The following DYNC1H1 variants were observed in gnomAD, a reference collection of about 807,000 sequenced individuals.
DYNC1H1 encodes the protein cytoplasmic dynein 1 heavy chain 1.
A neutral mutation model predicts 527.1 loss-of-function variants in DYNC1H1; 51 were observed. The ratio of observed to expected loss-of-function variants is 0.10; its 90% confidence interval spans 0.08 to 0.12. The LOEUF (loss-of-function observed/expected upper bound fraction) is 0.12, where lower values mean the gene tolerates loss of function less well. Ranked by LOEUF, DYNC1H1 falls within the 10% of genes least tolerant of loss-of-function variation. The pLI, the probability that DYNC1H1 is intolerant of heterozygous loss-of-function variation, is 1.00. For missense variants in DYNC1H1, 2,771 were observed against 5,971.8 expected, an observed-to-expected ratio of 0.46 and a Z score of 17.66; for synonymous variants, 2,189 against 2,278.8, an observed-to-expected ratio of 0.96 and a Z score of 1.12.
Position 102,011,229 on chromosome 14 carries a change from A to T in DYNC1H1, c.6618+277A>T, listed in dbSNP as rs2048255168. ...TATTGGAAAGTTGTTTATACTGATA[A>T]AAATTCTGCTTACCAGACTTTCCAG... is the stretch of plus-strand genomic sequence containing the variant. On this transcript the variant is annotated intron_variant, in intron 32 of 77. Transcript: ENST00000360184. The surrounding 1 kb of genome is among the most constrained non-coding windows in gnomAD (Gnocchi z 5.3). The T allele has an allele frequency of 2.1e-6, 1 of 472,102 alleles. No homozygotes were observed. Among genetic ancestry groups the T allele is most frequent in the Non-Finnish European group, 3.9e-6 (1 of 257,138 alleles). 29.2% of individuals were successfully genotyped at this position (472,102 alleles called of 1,614,324 possible). A position where few individuals can be genotyped will look rare whatever the true frequency, so the allele number is the denominator to read the frequency against.
At position 102,029,417 on chromosome 14, in the gene DYNC1H1, C is replaced by A. The variant is rs2048485356; in HGVS notation, c.9469-122C>A. On this transcript the variant is annotated intron_variant, in intron 48 of 77. Coordinates refer to ENST00000360184, the MANE Select transcript of DYNC1H1 (RefSeq NM_001376.5). The surrounding 1 kb of genome is among the most constrained non-coding windows in gnomAD (Gnocchi z 5.3). ...TAAGCTGAGGCCCGACTCGAGTGTT[C>A]TGGCCCCGAGGGCCAGGCTCCTTCT... The A allele has an allele frequency of 9.0e-6, 12 of 1,340,342 alleles. No homozygotes were observed. Among genetic ancestry groups the A allele is most frequent in the Non-Finnish European group, 1.3e-5 (12 of 957,360 alleles). 83.0% of individuals were successfully genotyped at this position (1,340,342 alleles called of 1,614,324 possible).
At chr14:102,034,689 C>T in intron 56 of DYNC1H1, 1 of 665,966 alleles carries the variant, frequency 1.5e-6, no homozygotes, top group South Asian at 1.8e-5. Flanking sequence ...TGGCAGGGGC[C>T]AGGCACAGTG....
At chr14:101,994,077 T>G in intron 11 of DYNC1H1, 107 bp from the exon 12 acceptor site, 1 of 1,548,020 alleles carries the variant, frequency 6.5e-7, no homozygotes, top group Non-Finnish European at 8.9e-7. Context: ...AAATGCCATT[T>G]TGGTCATGAG....
At chr14:101,970,639 C>T (rs916886628) in intron 1 of DYNC1H1, among the ~76,000 whole-genome samples, 2 of 151,812 alleles carry the variant, frequency 1.3e-5, no homozygotes, top group African/African-American at 4.8e-5. Flanking sequence ...TGTGCCACCA[C>T]GTCTAGCTAA....
rs573941905 is a variant in DYNC1H1 at position 102,001,756 on chromosome 14, A to G, written c.4542+75A>G. The stretch of plus-strand genomic sequence containing the variant: ...TTCACTGTAATGCCTTTTCACTGAC[A>G]GTTACTAGGTACCTGTTTTTTATTG... On this transcript the variant is annotated intron_variant, in intron 21 of 77. Transcript: ENST00000360184. The surrounding 1 kb of genome is among the most constrained non-coding windows in gnomAD (Gnocchi z 5.0). 5.3e-4 allele frequency: 844 copies of G among 1,595,342 alleles called. 9 individuals carry two copies. The South Asian group carries it at 6.7e-3, about 13-fold the overall frequency.
In DYNC1H1 at chr14:102,029,804, G is replaced by T. The variant is rs931184680; in HGVS notation, c.9643-15G>T. The T allele has an allele frequency of 1.9e-6, 3 of 1,614,008 alleles. No homozygotes were observed. The African/African-American group carries it at 4.0e-5, about 22-fold the overall frequency. ...TGCATGTTTCTCGTCTCTGAGTGTG[G>T]GCTTTGCTCTTTAGGTAGAAGAACT... On this transcript the variant is annotated splice_polypyrimidine_tract_variant and intron_variant, in intron 49 of 77. Transcript: ENST00000360184. The surrounding 1 kb of genome is among the most constrained non-coding windows in gnomAD (Gnocchi z 5.3).
chr14:102,007,734 C>T (rs2048213326), intron 28 of DYNC1H1, among the ~76,000 whole-genome samples: 1 of 152,194 alleles, frequency 6.6e-6, no homozygotes, highest in African/African-American at 2.4e-5. Context: ...GAAGCCAGCA[C>T]TGAGGCAGGT....
At chr14:101,989,851 A>G (rs2047976877) in intron 10 of DYNC1H1, among the ~76,000 whole-genome samples, 1 of 152,236 alleles carries the variant, frequency 6.6e-6, no homozygotes, top group African/African-American at 2.4e-5. Flanking sequence ...CATTTCAGTC[A>G]ACGACAAGAC....
At chr14:102,035,244 A>C (rs1038616188) in intron 56 of DYNC1H1, 1 of 152,374 alleles carries the variant, frequency 6.6e-6, no homozygotes, top group Non-Finnish European at 1.5e-5. Context: ...AAATAAAAAT[A>C]AAGTGGATTG....
rs751166366 is a variant in DYNC1H1 at position 102,044,072 on chromosome 14, C to T, written c.12684+27C>T. 1 of 1,612,302 alleles carries T rather than the reference C, an allele frequency of 6.2e-7. No homozygotes were observed. Among genetic ancestry groups the T allele is most frequent in the South Asian group, 1.1e-5 (1 of 90,988 alleles). ...CAAGTGTGGGCCATGCCAGGACAGA[C>T]AGTGGACGTGTATCTGGGAAGGATG... is the stretch of plus-strand genomic sequence containing the variant. On this transcript the variant is annotated intron_variant, in intron 70 of 77. Coordinates refer to ENST00000360184, the MANE Select transcript of DYNC1H1 (RefSeq NM_001376.5). This position sits in a 1 kb window ranked among gnomAD's most constrained non-coding sequence, Gnocchi z 7.1.
rs2048862580 is a variant in DYNC1H1, at chr14:102,055,138, ACTTCCACCCTCTCT to A, written c.*4585_*4598del. The A allele has an allele frequency of 6.6e-6, 1 of 151,864 alleles. No individual in the cohort carries two copies. The highest frequency in any genetic ancestry group is 1.5e-5 in the Non-Finnish European group (1 of 67,992). The allele number at this position is 151,864 out of a possible 1,614,324, so 9.4% of individuals were successfully genotyped here. A position where few individuals can be genotyped will look rare whatever the true frequency, so the allele number is the denominator to read the frequency against. On this transcript the variant is annotated 3_prime_UTR_variant, in exon 78 of 78. Coordinates refer to ENST00000360184, the MANE Select transcript of DYNC1H1 (RefSeq NM_001376.5). ...CTGGAGGAGAAGCCCCCTCCTCTTC[ACTTCCACCCTCTCT>A]CTTCCACCCCTGGAAGTCAGCTTTC... is the stretch of plus-strand genomic sequence containing the variant.
rs888411038 is a variant in DYNC1H1 at position 102,042,405 on chromosome 14, G to A, written c.12297G>A (p.Val4099=). The change falls in exon 68 of 78, where the codon GTG becomes GTA. Residue 4099 remains valine (V), a synonymous_variant. Transcript: ENST00000360184. This position sits in a 1 kb window ranked among gnomAD's most constrained non-coding sequence, Gnocchi z 5.7. ...KSGRWVMLKN[V]HLAPGWLMQL... is the part of the protein sequence containing the mutation. ...GCAGGTGGGTGATGCTGAAGAATGT[G>A]CATCTGGCCCCAGGGTGGCTGATGC... The A allele has an allele frequency of 6.2e-7, 1 of 1,614,198 alleles. No individual in the cohort carries two copies. The highest frequency in any genetic ancestry group is 8.5e-7 in the Non-Finnish European group (1 of 1,180,032).
rs778815661 is a variant in DYNC1H1, at chr14:101,980,389, C to A, written c.800C>A (p.Ala267Glu). 6.2e-7 allele frequency: 1 copy of A among 1,614,232 alleles called. No homozygotes were observed. The highest frequency in any genetic ancestry group is 8.5e-7 in the Non-Finnish European group (1 of 1,180,044). The change falls in exon 5 of 78, where the codon GCA becomes GAA. Residue 267 changes from alanine to glutamate, a missense_variant. Transcript: ENST00000360184. ...GTGACCAAACTGGATCGAGATCCTG[C>A]ATCAGGAACTGCCTTACAGGAAATT... is the stretch of plus-strand genomic sequence containing the variant. Reference protein sequence around the residue: ...QKVTKLDRDPASGTALQEISF... With the variant: ...QKVTKLDRDPESGTALQEISF...
chr14:102,038,354 G>C lies in DYNC1H1; in HGVS notation c.10909-106G>C. 6.5e-7 allele frequency: 1 copy of C among 1,532,884 alleles called. No individual in the cohort carries two copies. Among genetic ancestry groups the C allele is most frequent in the Non-Finnish European group, 8.8e-7 (1 of 1,142,034 alleles). 95.0% of individuals were successfully genotyped at this position (1,532,884 alleles called of 1,614,324 possible). ...GGCCACCACACGCAAGTGGCGGGTGGCTTTTGGGAAGGTATGCTTATCCAG... is the reference window on the plus strand; with the variant it reads ...GGCCACCACACGCAAGTGGCGGGTGCCTTTTGGGAAGGTATGCTTATCCAG... On this transcript the variant is annotated intron_variant, in intron 57 of 77. Coordinates refer to ENST00000360184, the MANE Select transcript of DYNC1H1 (RefSeq NM_001376.5). This position sits in a 1 kb window ranked among gnomAD's most constrained non-coding sequence, Gnocchi z 7.2.
chr14:101,994,582 A>T lies in DYNC1H1; in HGVS notation c.3157-91A>T. On this transcript the variant is annotated intron_variant, in intron 12 of 77. Coordinates refer to ENST00000360184, the MANE Select transcript of DYNC1H1 (RefSeq NM_001376.5). ...TTCTCTAATAGTGGTGAAAGACATG[A>T]ACCTTCTTAATGGAATGTGAACATA... The T allele has an allele frequency of 2.0e-6, 3 of 1,526,982 alleles. No individual in the cohort carries two copies. In the Admixed American group the frequency reaches 5.2e-5, roughly 26 times the overall value. The allele number at this position is 1,526,982 out of a possible 1,614,324, so 94.6% of individuals were successfully genotyped here.
At chr14:101,988,065 T>C (rs1566999988) in intron 9 of DYNC1H1, among the ~76,000 whole-genome samples, 1 of 151,582 alleles carries the variant, frequency 6.6e-6, no homozygotes, top group African/African-American at 2.4e-5. Flanking sequence ...TGAGACCCTG[T>C]CACACACACA....
intron 51 of DYNC1H1, among the ~76,000 whole-genome samples, chr14:102,031,932 C>T (rs1022933049): frequency 2.0e-5 from 3 of 152,114 alleles, no homozygotes; most frequent in Admixed American, 6.5e-5. Flanking sequence ...CCAGCCTAGG[C>T]GACAGAGCTA....
In DYNC1H1 at chr14:102,027,789, G is replaced by A. The variant is rs2048466890; in HGVS notation, c.9219G>A (p.Glu3073=). The A allele has an allele frequency of 3.1e-6, 5 of 1,614,222 alleles. No individual in the cohort carries two copies. The highest frequency in any genetic ancestry group is 4.2e-6 in the Non-Finnish European group (5 of 1,180,034). Residue 3073 remains glutamate (E), a synonymous_variant, in exon 47 of 78, where the codon GAG becomes GAA. Coordinates refer to ENST00000360184, the MANE Select transcript of DYNC1H1 (RefSeq NM_001376.5). This position sits in a 1 kb window ranked among gnomAD's most constrained non-coding sequence, Gnocchi z 7.7. ...HVVFTMNPSS[E]GLKDRAATSP... Reference sequence around the variant, plus strand: ...TGTTCACCATGAACCCGTCCTCGGAGGGACTCAAGGACCGGGCAGCTACAT... The same window carrying A: ...TGTTCACCATGAACCCGTCCTCGGAAGGACTCAAGGACCGGGCAGCTACAT...
rs1595623529 is a variant in DYNC1H1, at chr14:102,027,915, G to A, written c.9264-22G>A. 6.2e-7 allele frequency: 1 copy of A among 1,614,210 alleles called. No individual in the cohort carries two copies. The highest frequency in any genetic ancestry group is 1.1e-5 in the South Asian group (1 of 91,066). On this transcript the variant is annotated intron_variant, in intron 47 of 77. Coordinates refer to ENST00000360184, the MANE Select transcript of DYNC1H1 (RefSeq NM_001376.5). The surrounding 1 kb of genome is among the most constrained non-coding windows in gnomAD (Gnocchi z 7.7). ...AAAGCCTGCCCCTCATAGCTGTCCT[G>A]AAACATGGGCCTCTTTCTCAGGTGT...
Sources: gnomAD v4.1 joint callset for allele counts (sites outside exome capture counted in the v4.1 genomes callset) on GRCh38, gnomAD v4.1.1 for gene constraint, Gnocchi (gnomAD v3.1) non-coding constraint, MANE v1.5 for transcripts, NCBI Gene and HGNC (gene_info 2026-07-23, HGNC 2026-07-21) for gene names.